The following COG6 variants were observed in gnomAD, a reference collection of about 807,000 sequenced individuals.
COG6 encodes component of oligomeric golgi complex 6.
Under a neutral mutation model 88.8 loss-of-function variants are expected in COG6, and 74 were observed. That is an observed-to-expected ratio of 0.83 (90% CI 0.69 to 1.01). The LOEUF is 1.01. Among genes scored for constraint, COG6 ranks in the 50% least tolerant of loss-of-function variants. The probability of loss-of-function intolerance (pLI) is 0.00; values close to 1 mark genes in which losing one functional copy is unlikely to be tolerated. For missense variants in COG6, 800 were observed against 797.9 expected (o/e 1.00, Z -0.03); for synonymous variants, 286 against 278.7 (o/e 1.03, Z -0.26).
intron 12 of COG6, among the ~76,000 whole-genome samples, chr13:39,696,277 A>C (rs1242511894): frequency 1.3e-5 from 2 of 152,120 alleles, no homozygotes; most frequent in East Asian, 3.9e-4. Flanking sequence ...AGTAATTAAC[A>C]AAACAGAGCT....
chr13:39,735,706 CTTT>C (rs747873961), intron 18 of COG6, among the ~76,000 whole-genome samples: 2 of 108,052 alleles, frequency 1.9e-5, no homozygotes, highest in Non-Finnish European at 1.9e-5. Flanking sequence ...TGATGAAGTC[CTTT>C]TTTTTTTTTT....
At chr13:39,774,435 A>C (rs899783907) in intron 18 of COG6, among the ~76,000 whole-genome samples, 8 of 152,116 alleles carry the variant, frequency 5.3e-5, no homozygotes, top group Admixed American at 1.3e-4. Flanking sequence ...GATATTTAAA[A>C]ATTTCTTTTC....
intron 18 of COG6, among the ~76,000 whole-genome samples, chr13:39,746,312 A>G (rs1880349177): frequency 6.6e-6 from 1 of 152,096 alleles, no homozygotes; most frequent in Non-Finnish European, 1.5e-5. Flanking sequence ...AAGAGGACAG[A>G]AACAGTCCTG....
intron 13 of COG6, among the ~76,000 whole-genome samples, chr13:39,703,467 T>G (rs1053723645): frequency 1.3e-5 from 2 of 152,154 alleles, no homozygotes; most frequent in African/African-American, 2.4e-5. Context: ...TTAAGAATAT[T>G]AACTCCATCA....
At chr13:39,749,982 A>G (rs1459134915) in intron 18 of COG6, among the ~76,000 whole-genome samples, 1 of 152,158 alleles carries the variant, frequency 6.6e-6, no homozygotes, top group Admixed American at 6.6e-5. Context: ...GGAAGAATAG[A>G]TAGGAGTTTG....
rs182029939 is a variant in COG6 at position 39,763,030 on chromosome 13, A to G, written c.1827-25305A>G. 2.5e-3 allele frequency among the ~76,000 whole-genome samples: 383 copies of G among 151,750 alleles called. 1 individual carries two copies. The highest frequency in any genetic ancestry group is 8.8e-3 in the African/African-American group (364 of 41,506). ...GAATTTTAAGTGACTTTCAGAATCT[A>G]TTGAGATGATCACTTGGCTTTTCTC... On this transcript the variant is annotated intron_variant, in intron 18 of 18. Transcript: ENST00000416691.
intron 1 of COG6, 33 bp downstream of exon 1, chr13:39,655,912 T>C: frequency 6.3e-7 from 1 of 1,589,546 alleles, no homozygotes; most frequent in Non-Finnish European, 8.5e-7. Flanking sequence ...GAGTCACAGG[T>C]TCCTGCGGGG....
intron 13 of COG6, among the ~76,000 whole-genome samples, chr13:39,705,796 T>A (rs1409801137): frequency 6.6e-6 from 1 of 152,138 alleles, no homozygotes; most frequent in African/African-American, 2.4e-5. Context: ...TTACTAGACA[T>A]GCAGATATCT....
chr13:39,656,185 C>T (rs762823493), intron 1 of COG6: 15 of 548,946 alleles, frequency 2.7e-5, no homozygotes, highest in South Asian at 2.0e-4. Context: ...CCAAACACCC[C>T]TGGAGGCGTT....
intron 13 of COG6, among the ~76,000 whole-genome samples, chr13:39,705,616 A>G (rs1555278479): frequency 1.3e-5 from 2 of 152,142 alleles, no homozygotes; most frequent in Non-Finnish European, 2.9e-5. Flanking sequence ...TATCAAGTTA[A>G]TAGTAGTCAG....
At chr13:39,681,444 A>G (rs190542152) in intron 7 of COG6, among the ~76,000 whole-genome samples, 3 of 152,290 alleles carry the variant, frequency 2.0e-5, no homozygotes, top group East Asian at 1.9e-4. Flanking sequence ...TGCTCCCGCA[A>G]CATCTTACAT....
At chr13:39,665,937 C>A (rs1040231590) in intron 4 of COG6, among the ~76,000 whole-genome samples, 1 of 152,250 alleles carries the variant, frequency 6.6e-6, no homozygotes, top group Admixed American at 6.5e-5. Flanking sequence ...TCAACACCTG[C>A]TTTTGTAAAT....
chr13:39,755,012 A>T (rs1342985675), downstream of COG6, among the ~76,000 whole-genome samples: 1 of 152,174 alleles, frequency 6.6e-6, no homozygotes, highest in East Asian at 1.9e-4. Flanking sequence ...TTTGGTTAAG[A>T]TGTAAAATTA....
At chr13:39,715,477 C>A (rs1451979274) in intron 13 of COG6, among the ~76,000 whole-genome samples, 1 of 151,846 alleles carries the variant, frequency 6.6e-6, no homozygotes, top group Non-Finnish European at 1.5e-5. Flanking sequence ...TGACACATAA[C>A]GTGTTTGCTC....
intron 18 of COG6, among the ~76,000 whole-genome samples, chr13:39,735,512 G>C (rs1879691623): frequency 6.6e-6 from 1 of 151,890 alleles, no homozygotes; most frequent in Non-Finnish European, 1.5e-5. Context: ...TTTTTATTCT[G>C]TCTACTCAAG....
At chr13:39,703,813 A>C (rs1302341141) in intron 13 of COG6, among the ~76,000 whole-genome samples, 1 of 152,090 alleles carries the variant, frequency 6.6e-6, no homozygotes, top group African/African-American at 2.4e-5. Context: ...AGCTCACTGC[A>C]GCCTTGAAGC....
intron 18 of COG6, among the ~76,000 whole-genome samples, chr13:39,739,040 T>G (rs1879911520): frequency 6.6e-6 from 1 of 152,064 alleles, no homozygotes; most frequent in Non-Finnish European, 1.5e-5. Flanking sequence ...ATAGAAATAT[T>G]TAAAATACTA....
chr13:39,686,731 A>T (rs759179490), intron 8 of COG6, among the ~76,000 whole-genome samples: 35 of 152,022 alleles, frequency 2.3e-4, no homozygotes, highest in Non-Finnish European at 4.7e-4. Flanking sequence ...GGATTGCAGA[A>T]TTCTTTTATT....
chr13:39,669,249 C>T (rs9576885), intron 4 of COG6, among the ~76,000 whole-genome samples: 34,164 of 152,204 alleles, frequency 0.22, 4,159 homozygotes, highest in Non-Finnish European at 0.28. Context: ...TAGAAAAACA[C>T]ATTCCCTGTT....
Sources: allele counts gnomAD v4.1 joint callset (sites outside exome capture counted in the v4.1 genomes callset), GRCh38; gene constraint gnomAD v4.1.1; transcripts MANE v1.5; gene names NCBI Gene and HGNC (gene_info 2026-07-23, HGNC 2026-07-21).